Variants in ERMP1 observed in about 807,000 individuals in gnomAD.
ERMP1 encodes endoplasmic reticulum metallopeptidase 1.
A neutral mutation model predicts 92.0 loss-of-function variants in ERMP1; 86 were observed. The observed-to-expected ratio is 0.93, with a 90% CI of 0.79 to 1.12. The LOEUF (loss-of-function observed/expected upper bound fraction) is 1.12, where lower values mean the gene tolerates loss of function less well. Among genes scored for constraint, ERMP1 ranks in the 50% most tolerant of loss-of-function variants. The probability of loss-of-function intolerance (pLI) is 0.00; values close to 1 mark genes in which losing one functional copy is unlikely to be tolerated. For synonymous variants in ERMP1, 530 were observed against 412.8 expected, an observed-to-expected ratio of 1.28 and a Z score of -3.44; for missense variants, 1,342 against 1,116.3, an observed-to-expected ratio of 1.20 and a Z score of -2.88.
chr9:5,808,800 C>T (rs144816125), intron 8 of ERMP1, among the ~76,000 whole-genome samples: 2,051 of 152,252 alleles, frequency 0.013, 23 homozygotes, highest in Non-Finnish European at 0.021. Flanking sequence ...TGCAGTGGTA[C>T]AATCACAGCT....
intron 13 of ERMP1, among the ~76,000 whole-genome samples, chr9:5,787,943 T>C (rs1828012825): frequency 6.6e-6 from 1 of 152,230 alleles, no homozygotes; most frequent in Non-Finnish European, 1.5e-5. Flanking sequence ...CGAAGTGCTG[T>C]AACAGTACTG....
At chr9:5,855,118 T>C (rs1830356975) in intron 6 of ERMP1, among the ~76,000 whole-genome samples, 1 of 152,160 alleles carries the variant, frequency 6.6e-6, no homozygotes, top group African/African-American at 2.4e-5. Context: ...AAGCAGTAAT[T>C]ATCTGTATTA....
chr9:5,824,451 G>C (rs902707951), intron 3 of ERMP1, among the ~76,000 whole-genome samples: 11 of 152,150 alleles, frequency 7.2e-5, no homozygotes, highest in Admixed American at 6.5e-4. Context: ...GGCCCAGGCT[G>C]GAGTGCAATG....
At chr9:5,793,856 C>T (rs1362776024) in intron 13 of ERMP1, among the ~76,000 whole-genome samples, 1 of 152,008 alleles carries the variant, frequency 6.6e-6, no homozygotes, top group Non-Finnish European at 1.5e-5. Context: ...GACTTCAACA[C>T]CCCTCCATCA....
Position 5,832,746 on chromosome 9 carries a change from C to T in ERMP1, c.282G>A (p.Gln94=). 1.3e-6 allele frequency: 2 copies of T among 1,497,778 alleles called. No homozygotes were observed. Among genetic ancestry groups the T allele is most frequent in the East Asian group, 5.7e-5 (2 of 35,164 alleles). The allele number at this position is 1,497,778 out of a possible 1,614,324, so 92.8% of individuals were successfully genotyped here. Residue 94 remains glutamine (Q), a synonymous_variant, in exon 1 of 15, where the codon CAG becomes CAA. Coordinates refer to ENST00000339450, the MANE Select transcript of ERMP1 (RefSeq NM_024896.3). ...GTCCAGCGGCCCCGCGTAGCACGAGCTGCTGCAGCGAGAGCTGCACCAGCG... is the reference window on the plus strand; with the variant it reads ...GTCCAGCGGCCCCGCGTAGCACGAGTTGCTGCAGCGAGAGCTGCACCAGCG... The part of the protein sequence containing the change: ...LRTLVQLSLQ[Q]LVLRGAAGHR...
chr9:5,849,082 G>C (rs1830275083), intron 6 of ERMP1, among the ~76,000 whole-genome samples: 1 of 152,130 alleles, frequency 6.6e-6, no homozygotes, highest in African/African-American at 2.4e-5. Flanking sequence ...GAGTGCAGTG[G>C]CACGATCTTG....
chr9:5,813,059 A>G (rs367758057), intron 4 of ERMP1, 24 bp from the exon 5 acceptor site: 8 of 1,604,664 alleles, frequency 5.0e-6, no homozygotes, highest in African/African-American at 1.3e-5. Flanking sequence ...TGACAACACA[A>G]TAGAAGGTAT....
At chr9:5,788,964 G>T (rs1368601558) in intron 13 of ERMP1, among the ~76,000 whole-genome samples, 1 of 152,030 alleles carries the variant, frequency 6.6e-6, no homozygotes, top group Non-Finnish European at 1.5e-5. Flanking sequence ...AAAGACAGGA[G>T]AAATACTAAG....
At chr9:5,839,887 T>G (rs552139113) in intron 6 of ERMP1, among the ~76,000 whole-genome samples, 124 of 152,320 alleles carry the variant, frequency 8.1e-4, no homozygotes, top group African/African-American at 2.6e-3. Context: ...ACATGAGGAC[T>G]TGCTAAAAAA....
At chr9:5,841,844 C>T (rs1029960726) in intron 6 of ERMP1, among the ~76,000 whole-genome samples, 1 of 151,928 alleles carries the variant, frequency 6.6e-6, no homozygotes, top group Non-Finnish European at 1.5e-5. Flanking sequence ...TGTGACAGTT[C>T]TTAAAGATGG....
intron 4 of ERMP1, among the ~76,000 whole-genome samples, chr9:5,818,721 A>AAAAG (rs1829415514): frequency 6.6e-6 from 1 of 152,148 alleles, no homozygotes; most frequent in Admixed American, 6.5e-5. Flanking sequence ...TCAAAAAAAA[A>AAAAG]AAAAGAAAAG....
At chr9:5,843,674 C>T (rs1332508827) in intron 6 of ERMP1, among the ~76,000 whole-genome samples, 3 of 152,190 alleles carry the variant, frequency 2.0e-5, no homozygotes, top group Non-Finnish European at 4.4e-5. Flanking sequence ...GTTTATTTTG[C>T]AGGAACAGTG....
chr9:5,827,932 C>T (rs774736939), intron 2 of ERMP1, among the ~76,000 whole-genome samples: 1 of 151,548 alleles, frequency 6.6e-6, no homozygotes. Context: ...GAGCCGAGAT[C>T]GCGCCACTGC....
chr9:5,817,985 G>C (rs377253328), intron 4 of ERMP1, among the ~76,000 whole-genome samples: 2 of 152,200 alleles, frequency 1.3e-5, no homozygotes, highest in Admixed American at 6.5e-5. Flanking sequence ...TCGTGGTGAA[G>C]TGGGGAGGCT....
chr9:5,830,780 G>C lies in ERMP1; in HGVS notation c.587C>G (p.Ala196Gly), dbSNP rs1283954909. The C allele has an allele frequency of 8.7e-6, 14 of 1,614,060 alleles. No homozygotes were observed. The highest frequency in any genetic ancestry group is 1.1e-5 in the South Asian group (1 of 91,074). Residue 196 changes from alanine to glycine, a missense_variant, in exon 2 of 15, where the codon GCC (alanine) becomes GGC (glycine). By Grantham distance (60) the Ala-to-Gly change is moderately conservative (BLOSUM62 0). Coordinates refer to ENST00000339450, the MANE Select transcript of ERMP1 (RefSeq NM_024896.3). ...ACAATTAGCCAAGACAGCATGCTGG[G>C]CTCCATCTCTGGGTTCCAGCTTTAC... ...VVVKLEPRDG[A>G]QHAVLANCHF...
intron 6 of ERMP1, among the ~76,000 whole-genome samples, chr9:5,845,591 C>T (rs1830225340): frequency 6.6e-6 from 1 of 152,156 alleles, no homozygotes; most frequent in Non-Finnish European, 1.5e-5. Flanking sequence ...CTGCACTCCA[C>T]CTCATCACTC....
At chr9:5,832,580 C>G (rs1444592620) in intron 1 of ERMP1, 110 bp downstream of exon 1, 4 of 867,336 alleles carry the variant, frequency 4.6e-6, no homozygotes, top group Admixed American at 8.5e-5. Flanking sequence ...GAGGGGTCAG[C>G]GAGTCCCAGC....
intron 10 of ERMP1, among the ~76,000 whole-genome samples, chr9:5,804,369 T>G (rs1380904068): frequency 6.6e-6 from 1 of 152,084 alleles, no homozygotes. Context: ...ATCACTGTCT[T>G]TTCTTCCCTC....
At chr9:5,801,371 C>G (rs368953783) in intron 10 of ERMP1, 43 bp from the exon 11 acceptor site, 30 of 1,579,668 alleles carry the variant, frequency 1.9e-5, no homozygotes, top group Non-Finnish European at 2.5e-5. Context: ...CAAATTCATT[C>G]TAGTGGTGGA....
Sources: gnomAD v4.1 joint callset for allele counts (sites outside exome capture counted in the v4.1 genomes callset) on GRCh38, gnomAD v4.1.1 for gene constraint, MANE v1.5 for transcripts, NCBI Gene and HGNC (gene_info 2026-07-23, HGNC 2026-07-21) for gene names.